ECPAS: variants seen among roughly 807,000 people sequenced by gnomAD.
ECPAS encodes the protein proteasome adapter and scaffold protein ECM29.
In ECPAS, 70 loss-of-function variants were observed where a neutral mutation model predicts 255.1. The observed-to-expected ratio is 0.27, with a 90% confidence interval of 0.23 to 0.33. The LOEUF (loss-of-function observed/expected upper bound fraction) is 0.33, where lower values mean the gene tolerates loss of function less well. Among genes scored for constraint, ECPAS ranks in the 10% least tolerant of loss-of-function variants. ECPAS has a pLI of 1.00. For synonymous variants in ECPAS, 784 were observed against 775.0 expected (o/e 1.01, Z -0.19); for missense variants, 1,817 against 2,206.4 (o/e 0.82, Z 3.54).
At chr9:111,469,089 T>C (rs893678762) in intron 2 of ECPAS, among the ~76,000 whole-genome samples, 25 of 152,196 alleles carry the variant, frequency 1.6e-4, no homozygotes, top group Non-Finnish European at 3.7e-4. Flanking sequence ...TAAGAATTAA[T>C]TAGCTGAGCG....
intron 2 of ECPAS, among the ~76,000 whole-genome samples, chr9:111,465,114 G>A (rs2098277878): frequency 6.6e-6 from 1 of 151,664 alleles, no homozygotes; most frequent in South Asian, 2.1e-4. Context: ...CACCAACCTG[G>A]GCAACAAGAG....
In ECPAS at chr9:111,412,167, AAAC is replaced by A. The variant is rs1241533341; in HGVS notation, c.2080-22_2080-20del. Reference sequence around the variant, plus strand: ...TCAGACTCTGAGCAGTATAAAAAAAAAACAAATATATACATGACACAGAACCAC... The same window carrying A: ...TCAGACTCTGAGCAGTATAAAAAAAAAAATATATACATGACACAGAACCAC... On this transcript the variant is annotated intron_variant, in intron 20 of 49. Coordinates refer to ENST00000684092, the MANE Select transcript of ECPAS (RefSeq NM_001364929.1). 2 of 1,548,422 alleles carry A rather than the reference AAAC, an allele frequency of 1.3e-6. No homozygotes were observed. The highest frequency in any genetic ancestry group is 2.8e-5 in the African/African-American group (2 of 70,570).
chr9:111,448,450 T>C (rs2098256108), intron 3 of ECPAS, among the ~76,000 whole-genome samples: 1 of 152,178 alleles, frequency 6.6e-6, no homozygotes, highest in Non-Finnish European at 1.5e-5. Flanking sequence ...CTATAATTAT[T>C]AATAAAGACA....
intron 8 of ECPAS, among the ~76,000 whole-genome samples, chr9:111,431,023 T>C (rs533351684): frequency 6.6e-6 from 1 of 152,306 alleles, no homozygotes; most frequent in Admixed American, 6.5e-5. Context: ...TGTTTAACCA[T>C]TTGGCAGTTC....
At chr9:111,413,869 T>TA (rs770769990) in intron 20 of ECPAS, 26 bp downstream of exon 20, 66 of 1,398,402 alleles carry the variant, frequency 4.7e-5, no homozygotes, top group African/African-American at 2.2e-4. Context: ...GAATTTTTTT[T>TA]AAAAAAAGGT....
intron 7 of ECPAS, among the ~76,000 whole-genome samples, chr9:111,434,654 A>G (rs2098235102): frequency 6.8e-6 from 1 of 147,780 alleles, no homozygotes. Flanking sequence ...CAGTGGTGCA[A>G]TCTTGGCTCA....
rs1010987519 is a variant in ECPAS, at chr9:111,376,407, T to C, written c.4020+69A>G. The stretch of plus-strand genomic sequence containing the variant: ...AGTCTCTGCTTCATTTAACATAGCC[T>C]GAAGACTTTGAAGAATTACACTTTC... On this transcript the variant is annotated intron_variant, in intron 37 of 49. Coordinates refer to ENST00000684092, the MANE Select transcript of ECPAS (RefSeq NM_001364929.1). 5.5e-6 allele frequency: 7 copies of C among 1,273,344 alleles called. No individual in the cohort carries two copies. The African/African-American group carries it at 1.0e-4, about 19-fold the overall frequency. The allele number at this position is 1,273,344 out of a possible 1,614,324, so 78.9% of individuals were successfully genotyped here. A position where few individuals can be genotyped will look rare whatever the true frequency, so the allele number is the denominator to read the frequency against.
chr9:111,423,924 T>C (rs1306602807), intron 12 of ECPAS, among the ~76,000 whole-genome samples: 2 of 152,218 alleles, frequency 1.3e-5, no homozygotes, highest in African/African-American at 4.8e-5. Context: ...CTTCCACATC[T>C]AAATGGCTAC....
At chr9:111,445,033 T>C (rs2098251067) in intron 3 of ECPAS, among the ~76,000 whole-genome samples, 1 of 141,946 alleles carries the variant, frequency 7.0e-6, no homozygotes, top group Non-Finnish European at 1.5e-5. Flanking sequence ...TCTCGCTCTG[T>C]TGCCCAGGCT....
intron 2 of ECPAS, among the ~76,000 whole-genome samples, chr9:111,471,457 G>C (rs2098288037): frequency 6.6e-6 from 1 of 152,082 alleles, no homozygotes; most frequent in Non-Finnish European, 1.5e-5. Context: ...ATCATCAGCA[G>C]CAATATATAT....
chr9:111,371,890 AC>A (rs1257675206), intron 42 of ECPAS, 61 bp from the exon 43 acceptor site: 26 of 1,419,170 alleles, frequency 1.8e-5, no homozygotes, highest in Non-Finnish European at 2.3e-5. Flanking sequence ...ATTTTTCTAA[AC>A]CTGAAAAAAA....
At chr9:111,403,449 AAGAAT>A (rs1326206062) in intron 24 of ECPAS, among the ~76,000 whole-genome samples, 1 of 136,928 alleles carries the variant, frequency 7.3e-6, no homozygotes, top group Non-Finnish European at 1.5e-5. Context: ...AAAACCAAAA[AAGAAT>A]AGAAGTAACT....
chr9:111,439,877 G>A (rs2098243398), intron 6 of ECPAS, among the ~76,000 whole-genome samples: 1 of 152,030 alleles, frequency 6.6e-6, no homozygotes, highest in Non-Finnish European at 1.5e-5. Flanking sequence ...GATGATAGCA[G>A]TGGGAAGAGT....
At chr9:111,445,042 C>A (rs1041119227) in intron 3 of ECPAS, among the ~76,000 whole-genome samples, 1 of 129,918 alleles carries the variant, frequency 7.7e-6, no homozygotes. Context: ...GTTGCCCAGG[C>A]TAGAGTGTAG....
Position 111,451,573 on chromosome 9 carries a change from A to C in ECPAS, c.23-18T>G. The C allele has an allele frequency of 6.6e-7, 1 of 1,524,080 alleles. No homozygotes were observed. Among genetic ancestry groups the C allele is most frequent in the Non-Finnish European group, 8.8e-7 (1 of 1,142,854 alleles). 94.4% of individuals were successfully genotyped at this position (1,524,080 alleles called of 1,614,324 possible). ...AAGCTGATCTATAATATAAAAAGAA[A>C]AAAAGAGAGAACTTAGCAAGCCAAA... On this transcript the variant is annotated intron_variant, in intron 2 of 49. Transcript: ENST00000684092.
intron 2 of ECPAS, among the ~76,000 whole-genome samples, chr9:111,468,271 C>T (rs1472806610): frequency 3.3e-5 from 5 of 152,120 alleles, no homozygotes; most frequent in African/African-American, 1.2e-4. Context: ...AGTATTAGCT[C>T]CAATTTACAG....
At chr9:111,434,321 C>CA (rs2098234489) in intron 7 of ECPAS, among the ~76,000 whole-genome samples, 1 of 152,018 alleles carries the variant, frequency 6.6e-6, no homozygotes, top group African/African-American at 2.4e-5. Flanking sequence ...ATAAACTAAA[C>CA]AAAAAATGTG....
At chr9:111,396,497 C>T (rs1240992779) in intron 25 of ECPAS, among the ~76,000 whole-genome samples, 1 of 152,202 alleles carries the variant, frequency 6.6e-6, no homozygotes. Context: ...CCAAAGCTGA[C>T]TCCCCTGCTT....
At chr9:111,470,881 C>A (rs947748362) in intron 2 of ECPAS, among the ~76,000 whole-genome samples, 5 of 151,874 alleles carry the variant, frequency 3.3e-5, no homozygotes, top group African/African-American at 9.7e-5. Context: ...TGCTAGACTC[C>A]CAACACTGAG....
Sources: allele counts gnomAD v4.1 joint callset (sites outside exome capture counted in the v4.1 genomes callset), GRCh38; gene constraint gnomAD v4.1.1; transcripts MANE v1.5; gene names NCBI Gene and HGNC (gene_info 2026-07-23, HGNC 2026-07-21).